GPR39: variants seen among roughly 807,000 people sequenced by gnomAD.
GPR39 encodes G protein-coupled receptor 39.
In GPR39, 23 loss-of-function variants were observed where a neutral mutation model predicts 18.4. The observed-to-expected ratio is 1.25, with a 90% confidence interval of 0.90 to 1.77. The LOEUF (loss-of-function observed/expected upper bound fraction) is 1.77. Ranked by LOEUF, GPR39 falls within the 40% of genes most tolerant of loss-of-function variation. The pLI, the probability that GPR39 is intolerant of heterozygous loss-of-function variation, is 0.00. For missense variants in GPR39, 647 were observed against 602.4 expected, an observed-to-expected ratio of 1.07 and a Z score of -0.78; for synonymous variants, 280 against 257.9, an observed-to-expected ratio of 1.09 and a Z score of -0.82.
intron 1 of GPR39, among the ~76,000 whole-genome samples, chr2:132,573,814 G>A (rs1438441852): frequency 2.0e-5 from 3 of 152,108 alleles, no homozygotes; most frequent in Non-Finnish European, 4.4e-5. Context: ...TTCATCAGGG[G>A]AACTTTTAGG....
At chr2:132,580,969 AAAAC>A (rs970664896) in intron 1 of GPR39, among the ~76,000 whole-genome samples, 2 of 149,064 alleles carry the variant, frequency 1.3e-5, no homozygotes, top group Admixed American at 6.6e-5. Context: ...TCAAAAAAAA[AAAAC>A]AAAAAAAAAA....
intron 1 of GPR39, among the ~76,000 whole-genome samples, chr2:132,641,657 T>C (rs529498918): frequency 4.6e-5 from 7 of 152,326 alleles, no homozygotes; most frequent in African/African-American, 1.7e-4. Context: ...ACATGTGAAA[T>C]AATTATTTTG....
At chr2:132,598,279 C>T (rs190549449) in intron 1 of GPR39, among the ~76,000 whole-genome samples, 12 of 152,154 alleles carry the variant, frequency 7.9e-5, no homozygotes, top group Admixed American at 3.3e-4. Context: ...ACTTTATTTC[C>T]GGGTATTTGT....
chr2:132,524,204 G>A (rs962351208), intron 1 of GPR39, among the ~76,000 whole-genome samples: 1 of 152,232 alleles, frequency 6.6e-6, no homozygotes, highest in Non-Finnish European at 1.5e-5. Flanking sequence ...CAGAACACCT[G>A]TGAAGAGGGA....
intron 1 of GPR39, among the ~76,000 whole-genome samples, chr2:132,568,388 G>A (rs1680387514): frequency 6.6e-6 from 1 of 152,148 alleles, no homozygotes; most frequent in African/African-American, 2.4e-5. Context: ...TCTATGATGA[G>A]GTTTGCATGA....
At chr2:132,463,012 C>T (rs1680861338) in intron 1 of GPR39, among the ~76,000 whole-genome samples, 1 of 152,188 alleles carries the variant, frequency 6.6e-6, no homozygotes, top group African/African-American at 2.4e-5. Context: ...GTACTCTGTT[C>T]ATTCATTCAT....
intron 1 of GPR39, among the ~76,000 whole-genome samples, chr2:132,621,257 T>C (rs999046339): frequency 5.9e-5 from 9 of 152,182 alleles, no homozygotes; most frequent in African/African-American, 2.2e-4. Flanking sequence ...AACGGGTCCC[T>C]GAACTCAGGT....
At chr2:132,497,776 G>A (rs764194238) in intron 1 of GPR39, among the ~76,000 whole-genome samples, 45 of 152,180 alleles carry the variant, frequency 3.0e-4, no homozygotes, top group Non-Finnish European at 5.1e-4. Flanking sequence ...TGCATTTGGA[G>A]AGGCTGCCCT....
Position 132,643,804 on chromosome 2 carries a change from G to A in GPR39, c.857-1297G>A, listed in dbSNP as rs538862407. Among the ~76,000 whole-genome samples the A allele has an allele frequency of 2.6e-5, 4 of 152,246 alleles. No homozygotes were observed. The East Asian group carries it at 5.8e-4, about 22-fold the overall frequency. ...CAGAGTATTGAGATATCAGGCATGC[G>A]CCACCATGTCTGGCCCCCATTTATT... On this transcript the variant is annotated intron_variant, in intron 1 of 1. Transcript: ENST00000329321.
chr2:132,517,920 A>G (rs975340633), intron 1 of GPR39, among the ~76,000 whole-genome samples: 3 of 152,232 alleles, frequency 2.0e-5, no homozygotes, highest in Non-Finnish European at 4.4e-5. Context: ...ATATGTGGGT[A>G]TATTGAAACC....
chr2:132,644,259 G>A (rs1355607948), intron 1 of GPR39, among the ~76,000 whole-genome samples: 1 of 152,246 alleles, frequency 6.6e-6, no homozygotes, highest in Non-Finnish European at 1.5e-5. Context: ...TGTACATGCA[G>A]TAAACATTTG....
At chr2:132,621,044 GC>G (rs1681432588) in intron 1 of GPR39, among the ~76,000 whole-genome samples, 1 of 152,086 alleles carries the variant, frequency 6.6e-6, no homozygotes. Context: ...GAGCCACTGC[GC>G]CTGGCCACCT....
chr2:132,590,973 C>T (rs151252832), intron 1 of GPR39, among the ~76,000 whole-genome samples: 2,093 of 151,910 alleles, frequency 0.014, 49 homozygotes, highest in African/African-American at 0.044. Context: ...AGGAACAGGC[C>T]GGGCGCGGTG....
At position 132,599,565 on chromosome 2, in the gene GPR39, T is replaced by C. The variant is rs75041496; in HGVS notation, c.857-45536T>C. On this transcript the variant is annotated intron_variant, in intron 1 of 1. Coordinates refer to ENST00000329321, the MANE Select transcript of GPR39 (RefSeq NM_001508.3). ...CTACATCTGGGGAAAACAAACACCA[T>C]GGCAGCTATTTTAGGTGGTCCCTGA... 2.1e-4 allele frequency among the ~76,000 whole-genome samples: 32 copies of C among 152,334 alleles called. No homozygotes were observed. In the East Asian group the frequency reaches 6.0e-3, roughly 28 times the overall value.
intron 1 of GPR39, among the ~76,000 whole-genome samples, chr2:132,639,026 T>A (rs929439196): frequency 6.6e-6 from 1 of 152,184 alleles, no homozygotes; most frequent in Non-Finnish European, 1.5e-5. Context: ...CTTACTCTCC[T>A]TAACTTTCTG....
chr2:132,525,927 C>T (rs1432186066), intron 1 of GPR39, among the ~76,000 whole-genome samples: 9 of 152,134 alleles, frequency 5.9e-5, no homozygotes, highest in Non-Finnish European at 7.3e-5. Context: ...AAAGTGGACA[C>T]GGAACATCTC....
At chr2:132,623,268 G>A (rs1681478340) in intron 1 of GPR39, among the ~76,000 whole-genome samples, 1 of 152,148 alleles carries the variant, frequency 6.6e-6, no homozygotes, top group Admixed American at 6.5e-5. Flanking sequence ...GACGAGGGAA[G>A]CCCAGCACAG....
At chr2:132,473,385 A>G (rs539067203) in intron 1 of GPR39, among the ~76,000 whole-genome samples, 1 of 152,280 alleles carries the variant, frequency 6.6e-6, no homozygotes, top group East Asian at 1.9e-4. Flanking sequence ...TTATTATAAC[A>G]TCAAGATAAT....
intron 1 of GPR39, among the ~76,000 whole-genome samples, chr2:132,551,240 A>G (rs949193000): frequency 1.3e-5 from 2 of 152,312 alleles, no homozygotes; most frequent in African/African-American, 4.8e-5. Context: ...GCAGGAGGAA[A>G]GAGAAAGAGG....
Sources: gnomAD v4.1 joint callset for allele counts (sites outside exome capture counted in the v4.1 genomes callset) on GRCh38, gnomAD v4.1.1 for gene constraint, MANE v1.5 for transcripts, NCBI Gene and HGNC (gene_info 2026-07-23, HGNC 2026-07-21) for gene names.